Variants in RGS7 observed in about 807,000 individuals in gnomAD.
RGS7 encodes regulator of G protein signaling 7.
A neutral mutation model predicts 81.1 loss-of-function variants in RGS7; 27 were observed. That is an observed-to-expected ratio of 0.33 (90% CI 0.25 to 0.46). RGS7 has a LOEUF of 0.46. Ranked by LOEUF, RGS7 falls within the 20% of genes least tolerant of loss-of-function variation. RGS7 has a pLI of 1.00. For synonymous variants in RGS7, 208 were observed against 207.7 expected (o/e 1.00, Z -0.01); for missense variants, 396 against 607.4 (o/e 0.65, Z 3.66).
chr1:240,786,571 A>G (rs916261431), intron 18 of RGS7, among the ~76,000 whole-genome samples: 4 of 152,184 alleles, frequency 2.6e-5, no homozygotes, highest in African/African-American at 9.7e-5. Flanking sequence ...AACACACACA[A>G]ATACAGTTTA....
intron 2 of RGS7, among the ~76,000 whole-genome samples, chr1:241,340,227 T>C (rs2082462641): frequency 6.6e-6 from 1 of 152,136 alleles, no homozygotes; most frequent in African/African-American, 2.4e-5. Context: ...GACTAAGATA[T>C]CAGGTGAAAG....
Position 240,897,587 on chromosome 1 carries a change from T to C in RGS7, c.386-27468A>G, listed in dbSNP as rs150278223. On this transcript the variant is annotated intron_variant, in intron 6 of 18. Transcript: ENST00000440928. ...CTGTTTATATGATGGATTACTTTTA[T>C]TGATTTGCTTATGTTGAACCAGCCT... Among the ~76,000 whole-genome samples, 603 of 152,322 alleles carry C rather than the reference T, an allele frequency of 4.0e-3. 1 individual carries two copies. The highest frequency in any genetic ancestry group is 0.014 in the African/African-American group (575 of 41,564).
At chr1:241,003,045 C>T (rs2058492237) in intron 3 of RGS7, among the ~76,000 whole-genome samples, 1 of 152,156 alleles carries the variant, frequency 6.6e-6, no homozygotes, top group Non-Finnish European at 1.5e-5. Context: ...TATAACTCAG[C>T]ACATGCACTA....
At chr1:240,964,448 A>G (rs1681973231) in intron 4 of RGS7, among the ~76,000 whole-genome samples, 1 of 152,108 alleles carries the variant, frequency 6.6e-6, no homozygotes, top group Non-Finnish European at 1.5e-5. Context: ...GGAATACAAC[A>G]AGATTGATCC....
intron 2 of RGS7, among the ~76,000 whole-genome samples, chr1:241,150,708 G>A (rs926358581): frequency 2.0e-5 from 3 of 152,190 alleles, no homozygotes; most frequent in Non-Finnish European, 4.4e-5. Flanking sequence ...TATAGATGTA[G>A]ATACAGATAG....
intron 4 of RGS7, among the ~76,000 whole-genome samples, chr1:240,955,225 G>GA (rs1400182677): frequency 6.6e-6 from 1 of 152,028 alleles, no homozygotes; most frequent in African/African-American, 2.4e-5. Flanking sequence ...TAAAGATACT[G>GA]AAAAAATGAC....
chr1:241,298,917 G>GA (rs888257529), intron 2 of RGS7, among the ~76,000 whole-genome samples: 2 of 151,798 alleles, frequency 1.3e-5, no homozygotes, highest in South Asian at 2.1e-4. Context: ...AGCTTCTAGA[G>GA]AAAAAAAATA....
intron 3 of RGS7, among the ~76,000 whole-genome samples, chr1:240,996,424 A>G (rs1687291001): frequency 6.6e-6 from 1 of 152,200 alleles, no homozygotes; most frequent in Non-Finnish European, 1.5e-5. Context: ...TAATAATGGA[A>G]TAGTCTAGTT....
chr1:241,047,377 T>C (rs992531763), intron 3 of RGS7, among the ~76,000 whole-genome samples: 6 of 152,162 alleles, frequency 3.9e-5, no homozygotes, highest in Non-Finnish European at 7.3e-5. Context: ...TCTTTGTCTT[T>C]CCCGGCTTCC....
intron 2 of RGS7, among the ~76,000 whole-genome samples, chr1:241,201,656 T>C (rs1389059816): frequency 6.6e-6 from 1 of 152,098 alleles, no homozygotes; most frequent in Non-Finnish European, 1.5e-5. Context: ...AAAATAAAAC[T>C]ACTTTTGTCT....
rs549342609 is a variant in RGS7 at position 240,933,096 on chromosome 1, A to T, written c.334-2328T>A. ...ACGGGGTTTCACCGTGTTAGCCAGG[A>T]TGGTCTCCATCTCCTGACCTCGTGA... On this transcript the variant is annotated intron_variant, in intron 5 of 18. Coordinates refer to ENST00000440928, the MANE Select transcript of RGS7 (RefSeq NM_001364886.1). Among the ~76,000 whole-genome samples the T allele has an allele frequency of 5.5e-4, 82 of 149,540 alleles. 1 individual carries two copies. Among genetic ancestry groups the T allele is most frequent in the African/African-American group, 1.9e-3 (78 of 40,390 alleles).
chr1:241,196,265 C>A (rs2073057842), intron 2 of RGS7, among the ~76,000 whole-genome samples: 1 of 151,756 alleles, frequency 6.6e-6, no homozygotes, highest in African/African-American at 2.4e-5. Flanking sequence ...AAGTGCAATA[C>A]AAAAATTCAC....
intron 2 of RGS7, among the ~76,000 whole-genome samples, chr1:241,180,821 T>C (rs1449568448): frequency 1.3e-5 from 2 of 152,206 alleles, no homozygotes; most frequent in Admixed American, 6.5e-5. Flanking sequence ...CAGACATACC[T>C]GTCATTCACT....
At chr1:240,998,090 A>G (rs1687567657) in intron 3 of RGS7, among the ~76,000 whole-genome samples, 1 of 152,140 alleles carries the variant, frequency 6.6e-6, no homozygotes, top group Non-Finnish European at 1.5e-5. Flanking sequence ...ACGGATTGAC[A>G]GTTCTTTCTT....
intron 4 of RGS7, among the ~76,000 whole-genome samples, chr1:240,941,837 G>C (rs949342051): frequency 2.0e-5 from 3 of 150,904 alleles, no homozygotes; most frequent in Non-Finnish European, 4.4e-5. Context: ...AGAGTTTACT[G>C]AGTAATCTGT....
chr1:240,799,961 C>A (rs1687766972), intron 18 of RGS7, among the ~76,000 whole-genome samples: 1 of 152,150 alleles, frequency 6.6e-6, no homozygotes, highest in South Asian at 2.1e-4. Flanking sequence ...GGAAGAAGGA[C>A]AACCATTTGA....
At chr1:241,240,144 G>C (rs915998359) in intron 2 of RGS7, among the ~76,000 whole-genome samples, 1 of 152,186 alleles carries the variant, frequency 6.6e-6, no homozygotes, top group African/African-American at 2.4e-5. Context: ...GTGTGAGACA[G>C]ATGGCCAAGA....
intron 9 of RGS7, among the ~76,000 whole-genome samples, chr1:240,836,778 G>A (rs905790957): frequency 6.6e-6 from 1 of 152,196 alleles, no homozygotes; most frequent in Non-Finnish European, 1.5e-5. Context: ...ATCACTGGTG[G>A]TATGAACATA....
intron 6 of RGS7, among the ~76,000 whole-genome samples, chr1:240,886,401 T>C (rs1000389415): frequency 6.6e-6 from 1 of 152,244 alleles, no homozygotes; most frequent in Non-Finnish European, 1.5e-5. Flanking sequence ...AGAATCATGG[T>C]TGAATTATTC....
Sources: allele counts gnomAD v4.1 joint callset (sites outside exome capture counted in the v4.1 genomes callset), GRCh38; gene constraint gnomAD v4.1.1; transcripts MANE v1.5; gene names NCBI Gene and HGNC (gene_info 2026-07-23, HGNC 2026-07-21).